The following KMT5B variants were observed in gnomAD, a reference collection of about 807,000 sequenced individuals.
The protein encoded by KMT5B is lysine methyltransferase 5B.
Under a neutral mutation model 83.2 loss-of-function variants are expected in KMT5B, and 10 were observed. That is an observed-to-expected ratio of 0.12 (90% confidence interval 0.07 to 0.20). KMT5B has a LOEUF of 0.20. Among genes scored for constraint, KMT5B ranks in the 10% least tolerant of loss-of-function variants. KMT5B has a pLI of 1.00. For missense variants in KMT5B, 753 were observed against 1,067.2 expected, an observed-to-expected ratio of 0.71 and a Z score of 4.10; for synonymous variants, 349 against 388.8, an observed-to-expected ratio of 0.90 and a Z score of 1.20.
At chr11:68,179,860 C>T (rs1375825364) in intron 4 of KMT5B, 1 of 411,616 alleles carries the variant, frequency 2.4e-6, no homozygotes. Context: ...AAAAACATAC[C>T]TGGCTGAGTC....
rs999457734 is a variant in KMT5B, at chr11:68,171,163, G to T, written c.841-12C>A. 1 of 1,608,652 alleles carries T rather than the reference G, an allele frequency of 6.2e-7. No individual in the cohort carries two copies. Among genetic ancestry groups the T allele is most frequent in the Non-Finnish European group, 8.5e-7 (1 of 1,178,938 alleles). On this transcript the variant is annotated splice_polypyrimidine_tract_variant and intron_variant, in intron 8 of 10. Transcript: ENST00000304363. The surrounding 1 kb of genome is among the most constrained non-coding windows in gnomAD (Gnocchi z 5.1). ...CCAGTTGACACAAACTAAAATAAAA[G>T]TAACTCAGTAAGAAACTCACACCTG...
chr11:68,173,525 G>A (rs1419132091), intron 6 of KMT5B, among the ~76,000 whole-genome samples: 4 of 152,036 alleles, frequency 2.6e-5, no homozygotes, highest in Admixed American at 6.6e-5. Flanking sequence ...ATCTAATCAC[G>A]GTATCCACAA....
chr11:68,187,639 A>T (rs537017453), intron 2 of KMT5B, among the ~76,000 whole-genome samples: 53 of 152,218 alleles, frequency 3.5e-4, no homozygotes, highest in Non-Finnish European at 4.4e-4. Flanking sequence ...TGCACTTGAG[A>T]TGAATGCGTA....
intron 1 of KMT5B, among the ~76,000 whole-genome samples, chr11:68,195,973 A>AGACCAGCCTCGCCAACG (rs1858652229): frequency 6.6e-6 from 1 of 152,004 alleles, no homozygotes; most frequent in Non-Finnish European, 1.5e-5. Context: ...CCTCGCCAAC[A>AGACCAGCCTCGCCAACG]TGGTGAAACC....
At position 68,166,021 on chromosome 11, in the gene KMT5B, G is replaced by A. The variant is rs566494883; in HGVS notation, c.1174+961C>T. 233 of 1,611,258 alleles carry A rather than the reference G, an allele frequency of 1.4e-4. No individual in the cohort carries two copies. In the African/African-American group the frequency reaches 2.7e-3, roughly 19 times the overall value. On this transcript the variant is annotated intron_variant, in intron 10 of 10. Transcript: ENST00000304363. Reference sequence around the variant, plus strand: ...TAGGGAGAAGAACCTAAAATAATCAGTATCTCAGAGGGCTCTAAGGTGCCA... The same window carrying A: ...TAGGGAGAAGAACCTAAAATAATCAATATCTCAGAGGGCTCTAAGGTGCCA...
At chr11:68,174,846 G>GT in intron 5 of KMT5B, among the ~76,000 whole-genome samples, 172 bp downstream of exon 5, 1 of 152,092 alleles carries the variant, frequency 6.6e-6, no homozygotes. Flanking sequence ...GCCTGGCCCA[G>GT]TTTTTTCTCT....
intron 1 of KMT5B, among the ~76,000 whole-genome samples, chr11:68,194,986 G>GC (rs1858536948): frequency 6.6e-6 from 1 of 152,082 alleles, no homozygotes; most frequent in South Asian, 2.1e-4. Flanking sequence ...ACCAGCCTGG[G>GC]CAACACGGCA....
In KMT5B at chr11:68,158,423, C is replaced by T. The variant is rs773565168; in HGVS notation, c.1923G>A (p.Ala641=). The part of the protein sequence containing the change: ...PVHDSPGKDD[A]VPDLMGPHSD... Reference sequence around the variant, plus strand: ...AATGGGGACCCATCAAATCTGGTACCGCGTCGTCTTTTCCAGGAGAATCGT... The same window carrying T: ...AATGGGGACCCATCAAATCTGGTACTGCGTCGTCTTTTCCAGGAGAATCGT... The change falls in exon 11 of 11, where the codon GCG becomes GCA. Residue 641 remains alanine, a synonymous_variant. Coordinates refer to ENST00000304363, the MANE Select transcript of KMT5B (RefSeq NM_017635.5). The T allele has an allele frequency of 1.4e-5, 23 of 1,613,934 alleles. No individual in the cohort carries two copies. The highest frequency in any genetic ancestry group is 4.5e-5 in the East Asian group (2 of 44,890).
intron 1 of KMT5B, among the ~76,000 whole-genome samples, chr11:68,196,880 G>T (rs1026216646): frequency 6.6e-6 from 1 of 152,052 alleles, no homozygotes; most frequent in Non-Finnish European, 1.5e-5. Context: ...CTTCTCAGGA[G>T]TCCTAATATA....
Position 68,158,396 on chromosome 11 carries a change from A to C in KMT5B, c.1950T>G (p.Ser650=), listed in dbSNP as rs138240281. Residue 650 remains serine, a synonymous_variant, in exon 11 of 11, where the codon TCT becomes TCG. Transcript: ENST00000304363. ...CAGTGCCACTGTGCTCACCCTGGTC[A>C]GAATGGGGACCCATCAAATCTGGTA... The part of the protein sequence containing the change: ...DAVPDLMGPH[S]DQGEHSGTVG... 1 of 1,614,190 alleles carries C rather than the reference A, an allele frequency of 6.2e-7. No homozygotes were observed. The highest frequency in any genetic ancestry group is 1.3e-5 in the African/African-American group (1 of 75,072).
rs922408366 is a variant in KMT5B, at chr11:68,170,995, C to A, written c.977+20G>T. The A allele has an allele frequency of 6.4e-7, 1 of 1,565,726 alleles. No individual in the cohort carries two copies. The highest frequency in any genetic ancestry group is 2.2e-5 in the Admixed American group (1 of 44,540). On this transcript the variant is annotated intron_variant, in intron 9 of 10. Coordinates refer to ENST00000304363, the MANE Select transcript of KMT5B (RefSeq NM_017635.5). The stretch of plus-strand genomic sequence containing the variant: ...GTTAACAAAAAATGTTTAGGCTGAA[C>A]ATTTTACTTAATACCTTACCTTTCG...
intron 1 of KMT5B, among the ~76,000 whole-genome samples, chr11:68,207,014 G>T (rs994775481): frequency 6.6e-6 from 1 of 151,880 alleles, no homozygotes; most frequent in East Asian, 1.9e-4. Flanking sequence ...AGGCTGAGGC[G>T]GGCGGATCAC....
intron 2 of KMT5B, 176 bp downstream of exon 2, chr11:68,189,741 A>G (rs1034308857): frequency 2.0e-6 from 1 of 493,408 alleles, no homozygotes; most frequent in Middle Eastern, 5.2e-4. Flanking sequence ...TGAGTTTTAT[A>G]TAGTTTGATG....
At chr11:68,159,331 C>G (rs1431916508) in intron 10 of KMT5B, among the ~76,000 whole-genome samples, 160 bp from the exon 11 acceptor site, 1 of 152,200 alleles carries the variant, frequency 6.6e-6, no homozygotes, top group Non-Finnish European at 1.5e-5. Flanking sequence ...GCATTCCCTA[C>G]ACTGCTTCTC....
intron 9 of KMT5B, among the ~76,000 whole-genome samples, chr11:68,169,332 C>T (rs1190825829): frequency 6.6e-6 from 1 of 152,076 alleles, no homozygotes; most frequent in African/African-American, 2.4e-5. Context: ...TTTTCAGGAC[C>T]GCCTCCAAAA....
chr11:68,205,794 G>A (rs1162369152), intron 1 of KMT5B, among the ~76,000 whole-genome samples: 1 of 151,946 alleles, frequency 6.6e-6, no homozygotes, highest in East Asian at 1.9e-4. Context: ...CTAACTTTTT[G>A]TATTTTTAGT....
At chr11:68,202,832 C>A (rs185791077) in intron 1 of KMT5B, among the ~76,000 whole-genome samples, 1 of 150,936 alleles carries the variant, frequency 6.6e-6, no homozygotes, top group Non-Finnish European at 1.5e-5. Context: ...CAGGCGTAAG[C>A]CACTGCACCT....
intron 1 of KMT5B, among the ~76,000 whole-genome samples, chr11:68,205,988 A>G (rs757328420): frequency 6.6e-6 from 1 of 152,192 alleles, no homozygotes; most frequent in Non-Finnish European, 1.5e-5. Context: ...AGAAACTCCT[A>G]ATTGCCTTAT....
Position 68,201,950 on chromosome 11 carries a change from G to A in KMT5B, c.-77+11188C>T, listed in dbSNP as rs566245863. 2.6e-5 allele frequency among the ~76,000 whole-genome samples: 4 copies of A among 151,748 alleles called. No individual in the cohort carries two copies. In the East Asian group the frequency reaches 7.7e-4, roughly 29 times the overall value. On this transcript the variant is annotated intron_variant, in intron 1 of 10. Coordinates refer to ENST00000304363, the MANE Select transcript of KMT5B (RefSeq NM_017635.5). ...AAAAAAAAAAAAAAATTAGTCGGGT[G>A]TGGTGGTGCGTGCTTGTAGTCCCAG...
Sources: gnomAD v4.1 joint callset for allele counts (sites outside exome capture counted in the v4.1 genomes callset) on GRCh38, gnomAD v4.1.1 for gene constraint, Gnocchi (gnomAD v3.1) non-coding constraint, MANE v1.5 for transcripts, NCBI Gene and HGNC (gene_info 2026-07-23, HGNC 2026-07-21) for gene names.